The following CTNNA3 variants were observed in gnomAD, a reference collection of about 807,000 sequenced individuals.
CTNNA3 encodes the protein catenin alpha 3.
Under a neutral mutation model 95.7 loss-of-function variants are expected in CTNNA3, and 76 were observed. The ratio of observed to expected loss-of-function variants is 0.79; its 90% CI spans 0.66 to 0.96. The LOEUF (loss-of-function observed/expected upper bound fraction) is 0.96. Ranked by LOEUF, CTNNA3 falls within the 40% of genes least tolerant of loss-of-function variation. The pLI is 0.00. For missense variants in CTNNA3, 1,191 were observed against 1,089.8 expected, an observed-to-expected ratio of 1.09 and a Z score of -1.31; for synonymous variants, 431 against 374.4, an observed-to-expected ratio of 1.15 and a Z score of -1.74.
chr10:67,214,453 G>A (rs1864266038), intron 6 of CTNNA3, among the ~76,000 whole-genome samples: 2 of 151,682 alleles, frequency 1.3e-5, no homozygotes, highest in Non-Finnish European at 3.0e-5. Context: ...TGTGTTTCCA[G>A]ACACAATCAT....
intron 15 of CTNNA3, among the ~76,000 whole-genome samples, chr10:66,028,511 C>T (rs934528590): frequency 4.0e-5 from 6 of 151,762 alleles, no homozygotes; most frequent in South Asian, 2.1e-4. Context: ...AACCAAACAC[C>T]GCATGTTCTC....
intron 7 of CTNNA3, among the ~76,000 whole-genome samples, chr10:67,168,563 T>C (rs1861880400): frequency 1.3e-5 from 2 of 152,304 alleles, no homozygotes; most frequent in Admixed American, 1.3e-4. Flanking sequence ...CAGAAAAGGC[T>C]TTTGATAAAA....
chr10:66,168,330 C>T (rs1171707827), intron 13 of CTNNA3, among the ~76,000 whole-genome samples: 1 of 149,560 alleles, frequency 6.7e-6, no homozygotes, highest in African/African-American at 2.5e-5. Flanking sequence ...TATCCGTCCA[C>T]TCATCTAGTT....
chr10:66,956,417 C>T (rs1848795590), intron 7 of CTNNA3, among the ~76,000 whole-genome samples: 1 of 151,964 alleles, frequency 6.6e-6, no homozygotes, highest in East Asian at 1.9e-4. Flanking sequence ...CCCTGTAAAA[C>T]CAACTGATAT....
intron 11 of CTNNA3, among the ~76,000 whole-genome samples, chr10:66,438,039 CAA>C (rs1491151895): frequency 2.0e-5 from 3 of 152,168 alleles, no homozygotes; most frequent in African/African-American, 7.2e-5. Context: ...TGCAGAACAG[CAA>C]AGAGTGCTGC....
At chr10:66,518,328 T>A (rs1840935388) in intron 11 of CTNNA3, among the ~76,000 whole-genome samples, 1 of 152,154 alleles carries the variant, frequency 6.6e-6, no homozygotes, top group South Asian at 2.1e-4. Flanking sequence ...ATGGTTCCCC[T>A]TGTTGCATGT....
At chr10:66,447,819 G>A in intron 11 of CTNNA3, among the ~76,000 whole-genome samples, 1 of 151,942 alleles carries the variant, frequency 6.6e-6, no homozygotes, top group Non-Finnish European at 1.5e-5. Context: ...AGCCAAAATT[G>A]ACAAATGGGG....
intron 12 of CTNNA3, among the ~76,000 whole-genome samples, chr10:66,376,594 T>C (rs755438916): frequency 3.9e-5 from 6 of 152,202 alleles, no homozygotes; most frequent in Non-Finnish European, 7.3e-5. Flanking sequence ...TAGATAAGTA[T>C]GGCTTATATT....
At chr10:66,429,408 C>A (rs1193773798) in intron 11 of CTNNA3, among the ~76,000 whole-genome samples, 1 of 146,288 alleles carries the variant, frequency 6.8e-6, no homozygotes, top group Admixed American at 6.9e-5. Context: ...TTTTATGAGG[C>A]CAGCATCATC....
intron 7 of CTNNA3, among the ~76,000 whole-genome samples, chr10:66,986,549 A>T (rs1035997986): frequency 1.3e-5 from 2 of 152,172 alleles, no homozygotes; most frequent in African/African-American, 4.8e-5. Flanking sequence ...GATTAAAAAC[A>T]ATACATTGAA....
intron 1 of CTNNA3, among the ~76,000 whole-genome samples, chr10:67,743,305 G>A (rs1841353727): frequency 6.6e-6 from 1 of 151,124 alleles, no homozygotes; most frequent in Non-Finnish European, 1.5e-5. Context: ...TATCCACCAT[G>A]ATCAAGTGGG....
At position 66,766,323 on chromosome 10, in the gene CTNNA3, C is replaced by T. The variant is rs1387982830; in HGVS notation, c.1222G>A (p.Glu408Lys). 5 of 1,613,890 alleles carry T rather than the reference C, an allele frequency of 3.1e-6. No individual in the cohort carries two copies. In the Admixed American group the frequency reaches 8.3e-5, roughly 27 times the overall value. The change falls in exon 9 of 18, where the codon GAA (glutamate) becomes AAA (lysine). Residue 408 changes from glutamate (E) to lysine (K), a missense_variant. Transcript: ENST00000433211. ...VLIEAAKNGR[E>K]KEIKEYAAIF... is the part of the protein sequence containing the mutation. ...GCAGCATATTCTTTTATTTCCTTTT[C>T]CCGGCCATTCTTAGCAGCTTCAATG...
At chr10:67,688,429 A>G (rs1215486916) in intron 1 of CTNNA3, among the ~76,000 whole-genome samples, 1 of 152,108 alleles carries the variant, frequency 6.6e-6, no homozygotes, top group Non-Finnish European at 1.5e-5. Context: ...TGTAAATTGC[A>G]AGTTTTGCAT....
At chr10:67,112,389 G>T (rs1411981318) in intron 7 of CTNNA3, among the ~76,000 whole-genome samples, 1 of 151,890 alleles carries the variant, frequency 6.6e-6, no homozygotes, top group Non-Finnish European at 1.5e-5. Flanking sequence ...CATATCTTAA[G>T]TGTATGTAAC....
chr10:66,400,641 C>T (rs565806070), intron 11 of CTNNA3, among the ~76,000 whole-genome samples: 1 of 152,220 alleles, frequency 6.6e-6, no homozygotes, highest in Non-Finnish European at 1.5e-5. Context: ...GAAACAAAAT[C>T]TCTGGTAGCT....
chr10:67,313,668 T>G (rs1420818049), intron 5 of CTNNA3, among the ~76,000 whole-genome samples: 1 of 152,128 alleles, frequency 6.6e-6, no homozygotes, highest in Non-Finnish European at 1.5e-5. Context: ...GGCAGGAGAC[T>G]GCTACAAAAG....
intron 13 of CTNNA3, among the ~76,000 whole-genome samples, chr10:66,180,361 C>T (rs1448527933): frequency 1.3e-5 from 2 of 152,098 alleles, no homozygotes; most frequent in African/African-American, 4.8e-5. Context: ...GATAATTCTG[C>T]TCCAAAATCC....
intron 9 of CTNNA3, among the ~76,000 whole-genome samples, chr10:66,731,188 G>A (rs1188716998): frequency 1.3e-5 from 2 of 152,102 alleles, no homozygotes; most frequent in African/African-American, 2.4e-5. Flanking sequence ...AAGAAAATTT[G>A]GCATTTGAAT....
At chr10:66,809,518 G>C (rs1267656604) in intron 7 of CTNNA3, among the ~76,000 whole-genome samples, 1 of 151,954 alleles carries the variant, frequency 6.6e-6, no homozygotes, top group East Asian at 1.9e-4. Context: ...GATTTGAATT[G>C]TTTAGATTTA....
Sources: gnomAD v4.1 joint callset for allele counts (sites outside exome capture counted in the v4.1 genomes callset) on GRCh38, gnomAD v4.1.1 for gene constraint, MANE v1.5 for transcripts, NCBI Gene and HGNC (gene_info 2026-07-23, HGNC 2026-07-21) for gene names.